SLC28A3: variants seen among roughly 807,000 people sequenced by gnomAD.
SLC28A3 encodes concentrative Na(+)-nucleoside cotransporter 3.
A neutral mutation model predicts 84.2 loss-of-function variants in SLC28A3; 68 were observed. The observed-to-expected ratio is 0.81, with a 90% CI of 0.66 to 0.99. The LOEUF (loss-of-function observed/expected upper bound fraction) is 0.99. SLC28A3 is among the 50% of genes least tolerant of loss of function. The pLI, the probability that SLC28A3 is intolerant of heterozygous loss-of-function variation, is 0.00. For missense variants in SLC28A3, 712 were observed against 841.5 expected (o/e 0.85, Z 1.90); for synonymous variants, 267 against 303.6 (o/e 0.88, Z 1.25).
At chr9:84,304,161 A>G (rs189252077) in intron 4 of SLC28A3, among the ~76,000 whole-genome samples, 60 of 152,360 alleles carry the variant, frequency 3.9e-4, no homozygotes, top group African/African-American at 1.4e-3. Context: ...CTACTTATGT[A>G]TTGTTTATGG....
intron 6 of SLC28A3, among the ~76,000 whole-genome samples, chr9:84,298,359 T>C (rs527742947): frequency 4.1e-4 from 62 of 151,734 alleles, no homozygotes; most frequent in Non-Finnish European, 6.9e-4. Flanking sequence ...TGGTGGTGAA[T>C]GCCTGTAATC....
chr9:84,314,113 A>G (rs964105054), intron 1 of SLC28A3, among the ~76,000 whole-genome samples: 1 of 152,178 alleles, frequency 6.6e-6, no homozygotes, highest in African/African-American at 2.4e-5. Flanking sequence ...CATAGGCTGA[A>G]TAGCCTTATT....
chr9:84,309,523 C>CAAAAAAAAA lies in SLC28A3; in HGVS notation c.242+97_242+105dup, dbSNP rs71366931. The CAAAAAAAAA allele has an allele frequency of 2.6e-4, 62 of 239,250 alleles. 3 individuals carry two copies. The highest frequency in any genetic ancestry group is 7.0e-4 in the African/African-American group (13 of 18,442). 14.8% of individuals were successfully genotyped at this position (239,250 alleles called of 1,614,324 possible). Reference sequence around the variant, plus strand: ...GGGTGACAAAGTGAGACTCTTATCTCAAAAAAAAAAAAAAAAAAAAAAAAA... The same window carrying CAAAAAAAAA: ...GGGTGACAAAGTGAGACTCTTATCTCAAAAAAAAAAAAAAAAAAAAAAAAAAAAAAAAAA... On this transcript the variant is annotated intron_variant, in intron 3 of 17. Transcript: ENST00000376238.
the SLC28A3 span, among the ~76,000 whole-genome samples, chr9:84,366,217 A>G: frequency 6.6e-6 from 1 of 152,028 alleles, no homozygotes; most frequent in East Asian, 1.9e-4. Flanking sequence ...TGCATTTTTC[A>G]GCTCCAGAAT....
intron 1 of SLC28A3, among the ~76,000 whole-genome samples, chr9:84,323,426 ATT>A (rs398011264): frequency 3.5e-5 from 5 of 141,126 alleles, no homozygotes; most frequent in Admixed American, 1.4e-4. Flanking sequence ...TCAGTACATG[ATT>A]TTTTTTTTTT....
chr9:84,329,115 A>G (rs1368719269), intron 1 of SLC28A3, among the ~76,000 whole-genome samples: 1 of 152,226 alleles, frequency 6.6e-6, no homozygotes, highest in African/African-American at 2.4e-5. Flanking sequence ...TTTTAAGACA[A>G]CAATTGTTAC....
At chr9:84,291,843 CT>C (rs1417603898) in intron 10 of SLC28A3, among the ~76,000 whole-genome samples, 1 of 152,160 alleles carries the variant, frequency 6.6e-6, no homozygotes, top group Non-Finnish European at 1.5e-5. Flanking sequence ...TCCATTCTGC[CT>C]GAAGCTGCAT....
chr9:84,345,699 A>G (rs1328747768), upstream of SLC28A3, among the ~76,000 whole-genome samples: 10 of 152,180 alleles, frequency 6.6e-5, no homozygotes, highest in Admixed American at 5.2e-4. Flanking sequence ...GGAAAAATTG[A>G]CACCTAATTA....
chr9:84,326,246 A>T (rs1588617688), intron 1 of SLC28A3, among the ~76,000 whole-genome samples: 2 of 152,266 alleles, frequency 1.3e-5, no homozygotes, highest in East Asian at 3.9e-4. Flanking sequence ...TCTCCATTCA[A>T]CATCAACAAT....
the SLC28A3 span, among the ~76,000 whole-genome samples, chr9:84,361,341 C>T: frequency 3.9e-5 from 6 of 152,104 alleles, no homozygotes; most frequent in African/African-American, 1.4e-4. Context: ...GAGACTCCGT[C>T]TCAAAAAAAG....
At chr9:84,342,142 AAAGAAAAG>A (rs1827174619), upstream of SLC28A3, among the ~76,000 whole-genome samples, 1 of 133,102 alleles carries the variant, frequency 7.5e-6, no homozygotes, top group African/African-American at 3.5e-5. Flanking sequence ...AAAAAAAAAA[AAAGAAAAG>A]AAAAAGAAAA....
chr9:84,358,842 AC>A, the SLC28A3 span, among the ~76,000 whole-genome samples: 1 of 152,174 alleles, frequency 6.6e-6, no homozygotes, highest in African/African-American at 2.4e-5. Context: ...TTACTCTGTC[AC>A]CCAGGTTGGA....
intron 1 of SLC28A3, among the ~76,000 whole-genome samples, chr9:84,316,915 C>G (rs1380209381): frequency 6.6e-6 from 1 of 151,988 alleles, no homozygotes; most frequent in African/African-American, 2.4e-5. Flanking sequence ...GCAGAAGAAT[C>G]GCTTGAACCA....
the SLC28A3 span, among the ~76,000 whole-genome samples, chr9:84,354,668 C>T: frequency 6.6e-6 from 1 of 151,568 alleles, no homozygotes; most frequent in African/African-American, 2.4e-5. Context: ...GGCAACATGG[C>T]GAAACCCTGT....
At chr9:84,335,955 C>T (rs4877848) in intron 1 of SLC28A3, among the ~76,000 whole-genome samples, 36,252 of 151,788 alleles carry the variant, frequency 0.24, 4,610 homozygotes, top group African/African-American at 0.31. Flanking sequence ...TCTGCATCCA[C>T]TGCCTTTAGC....
intron 1 of SLC28A3, among the ~76,000 whole-genome samples, 198 bp downstream of exon 1, chr9:84,340,376 C>T (rs1827118852): frequency 6.6e-6 from 1 of 152,148 alleles, no homozygotes; most frequent in African/African-American, 2.4e-5. Flanking sequence ...GGGATCACAA[C>T]ACATCGATTA....
chr9:84,315,232 C>T (rs1191040302), intron 1 of SLC28A3, among the ~76,000 whole-genome samples: 1 of 152,122 alleles, frequency 6.6e-6, no homozygotes, highest in Non-Finnish European at 1.5e-5. Flanking sequence ...TTCCTTAATA[C>T]TAAGTTAAAA....
the SLC28A3 span, among the ~76,000 whole-genome samples, chr9:84,347,339 AT>A: frequency 6.6e-6 from 1 of 152,084 alleles, no homozygotes; most frequent in African/African-American, 2.4e-5. Context: ...AGGTATTAAT[AT>A]CCCCATTTCA....
At position 84,278,146 on chromosome 9, in the gene SLC28A3, CTT is replaced by C; in HGVS notation, c.*70_*71del. Reference sequence around the variant, plus strand: ...AGCATCAATCTGTGGACAATAGCTTCTTTTTTTTTTCTTTCCAAAGCAGAAAA... The same window carrying C: ...AGCATCAATCTGTGGACAATAGCTTCTTTTTTTTCTTTCCAAAGCAGAAAA... On this transcript the variant is annotated 3_prime_UTR_variant, in exon 18 of 18. Coordinates refer to ENST00000376238, the MANE Select transcript of SLC28A3 (RefSeq NM_001199633.2). 7 of 1,380,468 alleles carry C rather than the reference CTT, an allele frequency of 5.1e-6. No individual in the cohort carries two copies. Among genetic ancestry groups the C allele is most frequent in the Non-Finnish European group, 3.9e-6 (4 of 1,020,750 alleles). 85.5% of individuals were successfully genotyped at this position (1,380,468 alleles called of 1,614,324 possible).
Sources: gnomAD v4.1 joint callset for allele counts (sites outside exome capture counted in the v4.1 genomes callset) on GRCh38, gnomAD v4.1.1 for gene constraint, MANE v1.5 for transcripts, NCBI Gene and HGNC (gene_info 2026-07-23, HGNC 2026-07-21) for gene names.